The following ZP2 variants were observed in gnomAD, a reference collection of about 807,000 sequenced individuals.
ZP2 encodes zona pellucida glycoprotein 2, also known as zona pellucida sperm-binding protein 2.
ZP2 carries 51 observed loss-of-function variants against 84.0 expected under a neutral mutation model. The observed-to-expected ratio is 0.61, with a 90% CI of 0.49 to 0.77. The LOEUF (loss-of-function observed/expected upper bound fraction) is 0.77. Ranked by LOEUF, ZP2 falls within the 30% of genes least tolerant of loss-of-function variation. The pLI is 0.00. For synonymous variants in ZP2, 375 were observed against 330.9 expected (o/e 1.13, Z -1.45); for missense variants, 909 against 911.9 (o/e 1.00, Z 0.04).
Position 21,210,151 on chromosome 16 carries a change from G to A in ZP2, c.193C>T (p.Pro65Ser). The A allele has an allele frequency of 6.2e-7, 1 of 1,614,008 alleles. No individual in the cohort carries two copies. Among genetic ancestry groups the A allele is most frequent in the East Asian group, 2.2e-5 (1 of 44,860 alleles). ...CATTTCTTGGTGCCAGGACTGCTTG[G>A]GAACTCCACTGTTATTTCCCTTTCA... ...CDEREITVEF[P>S]SSPGTKKWHA... The change falls in exon 3 of 19, where the codon CCA (proline) becomes TCA (serine). Residue 65 changes from proline (P) to serine (S), a missense_variant. Physicochemically the swap from Pro to Ser is moderately conservative, Grantham distance 74 (BLOSUM62 -1). Transcript: ENST00000574091.
intron 12 of ZP2, 34 bp downstream of exon 12, chr16:21,201,898 A>G (rs369093249): frequency 3.3e-5 from 54 of 1,612,554 alleles, no homozygotes; most frequent in Non-Finnish European, 4.2e-5. Context: ...AGTTTAAACT[A>G]GAGCTTAAGA....
intron 4 of ZP2, among the ~76,000 whole-genome samples, chr16:21,209,250 C>G (rs1268914701): frequency 6.6e-6 from 1 of 152,200 alleles, no homozygotes; most frequent in Non-Finnish European, 1.5e-5. Context: ...CACTGCAAAC[C>G]TCTGTCCCCT....
In ZP2 at chr16:21,205,543, A is replaced by T. The variant is rs775442047; in HGVS notation, c.570T>A (p.Asp190Glu). Residue 190 changes from aspartate (D) to glutamate (E), a missense_variant, in exon 7 of 19, where the codon GAT becomes GAA. Coordinates refer to ENST00000574091, the MANE Select transcript of ZP2 (RefSeq NM_001376232.1). Reference sequence around the variant, plus strand: ...GGGTCAGAGTTTTGGCTCTTGCACCATCACCAACCTCAATGCTCCATCCCA... The same window carrying T: ...GGGTCAGAGTTTTGGCTCTTGCACCTTCACCAACCTCAATGCTCCATCCCA... Reference protein sequence around the residue: ...VQMGWSIEVGDGARAKTLTLP... With the variant: ...VQMGWSIEVGEGARAKTLTLP... The T allele has an allele frequency of 1.2e-6, 2 of 1,614,120 alleles. No homozygotes were observed. The highest frequency in any genetic ancestry group is 2.2e-5 in the South Asian group (2 of 91,078).
chr16:21,210,281 A>G, intron 2 of ZP2, 89 bp from the exon 3 acceptor site: 1 of 1,031,670 alleles, frequency 9.7e-7, no homozygotes, highest in Non-Finnish European at 1.5e-6. Flanking sequence ...GATGGGAGGG[A>G]TTCCAGATGA....
At position 21,198,870 on chromosome 16, in the gene ZP2, C is replaced by T. The variant is rs183121705; in HGVS notation, c.1928-8G>A. 1.7e-5 allele frequency: 27 copies of T among 1,613,244 alleles called. No individual in the cohort carries two copies. In the East Asian group the frequency reaches 3.3e-4, roughly 20 times the overall value. On this transcript the variant is annotated splice_polypyrimidine_tract_variant and splice_region_variant and intron_variant, in intron 16 of 18. Transcript: ENST00000574091. ...CTTCAGTGGCCCCTGTGGCTGGAGA[C>T]AGATGATCAAGTTTGTGTTTGGCCT...
intron 3 of ZP2, 22 bp from the exon 4 acceptor site, chr16:21,209,747 A>G (rs1209851345): frequency 4.3e-6 from 7 of 1,609,858 alleles, no homozygotes; most frequent in Non-Finnish European, 5.1e-6. Context: ...AGAGCAGGTT[A>G]GACAGGATGG....
At chr16:21,203,981 A>C in intron 9 of ZP2, 49 bp downstream of exon 9, 1 of 1,599,794 alleles carries the variant, frequency 6.3e-7, no homozygotes, top group Non-Finnish European at 8.5e-7. Flanking sequence ...ACAAGAGTAT[A>C]CTTCAAGTCA....
intron 2 of ZP2, 85 bp downstream of exon 2, chr16:21,211,222 A>C: frequency 8.4e-7 from 1 of 1,193,818 alleles, no homozygotes; most frequent in Non-Finnish European, 1.2e-6. Context: ...TGTCTGAGCC[A>C]GGCCTGTGTT....
rs1194033185 is a variant in ZP2 at position 21,205,419 on chromosome 16, C to A, written c.693+1G>T. The A allele has an allele frequency of 6.2e-7, 1 of 1,613,766 alleles. No homozygotes were observed. Among genetic ancestry groups the A allele is most frequent in the Admixed American group, 1.7e-5 (1 of 60,016 alleles). On this transcript the variant is annotated splice_donor_variant, in intron 7 of 18. Transcript: ENST00000574091. LOFTEE classifies it high-confidence loss of function. ...GTACAAAGCCAGACTTCCACACCTA[C>A]CACATAGTGAGTCACTCCAGTGGCA...
At chr16:21,212,559 C>T (rs2093279318), upstream of ZP2, among the ~76,000 whole-genome samples, 1 of 152,118 alleles carries the variant, frequency 6.6e-6, no homozygotes, top group East Asian at 1.9e-4. Context: ...CTCTCTGTTA[C>T]CATTTTAGGG....
At chr16:21,202,314 A>G in intron 10 of ZP2, 23 bp from the exon 11 acceptor site, 1 of 1,487,360 alleles carries the variant, frequency 6.7e-7, no homozygotes, top group Non-Finnish European at 8.9e-7. Flanking sequence ...GAAAGTTTAG[A>G]GAAAATAAGT....
Position 21,197,539 on chromosome 16 carries a change from C to G in ZP2, c.2179G>C (p.Val727Leu). The change falls in exon 19 of 19, where the codon GTG becomes CTG. Residue 727 changes from valine (V) to leucine (L), a missense_variant. Transcript: ENST00000574091. ...VAAVAAFAGV[V>L]ATLGFIYYLY... ...TAGTAGATGAAGCCTAGAGTTGCCACCACACCTGCAAAGGCAGCCACAGCA... is the reference window on the plus strand; with the variant it reads ...TAGTAGATGAAGCCTAGAGTTGCCAGCACACCTGCAAAGGCAGCCACAGCA... 6.2e-7 allele frequency: 1 copy of G among 1,614,170 alleles called. No individual in the cohort carries two copies. The highest frequency in any genetic ancestry group is 8.5e-7 in the Non-Finnish European group (1 of 1,180,030).
chr16:21,213,169 C>T (rs545084229), upstream of ZP2, among the ~76,000 whole-genome samples: 333 of 152,200 alleles, frequency 2.2e-3, 2 homozygotes, highest in African/African-American at 7.8e-3. Context: ...CTCAGCCTCC[C>T]GGGTAGCTGG....
At chr16:21,209,942 G>A in intron 3 of ZP2, 167 bp downstream of exon 3, 1 of 706,166 alleles carries the variant, frequency 1.4e-6, no homozygotes, top group African/African-American at 1.8e-5. Flanking sequence ...AGACAGACAG[G>A]TCTTCCATGC....
At chr16:21,203,052 T>TA (rs2093233245) in intron 10 of ZP2, 73 bp downstream of exon 10, 5 of 1,551,222 alleles carry the variant, frequency 3.2e-6, no homozygotes, top group Non-Finnish European at 3.5e-6. Context: ...TCTGACCTTC[T>TA]ATACATTTGC....
intron 16 of ZP2, among the ~76,000 whole-genome samples, chr16:21,199,318 CAAAAA>C (rs10644558): frequency 3.0e-3 from 136 of 45,712 alleles, no homozygotes; most frequent in African/African-American, 7.6e-3. Context: ...AAAACTGTCT[CAAAAA>C]AAAAAAAAAA....
At chr16:21,212,996 A>G (rs888879122), upstream of ZP2, among the ~76,000 whole-genome samples, 1 of 152,190 alleles carries the variant, frequency 6.6e-6, no homozygotes, top group African/African-American at 2.4e-5. Context: ...GACACTTGCA[A>G]TTATTAGGCT....
At chr16:21,211,645 G>T, upstream of ZP2, 1 of 1,602,994 alleles carries the variant, frequency 6.2e-7, no homozygotes. Flanking sequence ...CCCATTGGGG[G>T]CACCTGAATC....
chr16:21,204,076 G>T lies in ZP2; in HGVS notation c.926C>A (p.Thr309Lys), dbSNP rs774204764. 5 of 1,614,066 alleles carry T rather than the reference G, an allele frequency of 3.1e-6. 1 individual carries two copies. Among genetic ancestry groups the T allele is most frequent in the Middle Eastern group, 3.3e-4 (2 of 6,060 alleles). The change falls in exon 9 of 19, where the codon ACA (threonine) becomes AAA (lysine). Residue 309 changes from threonine (T) to lysine (K), a missense_variant. Coordinates refer to ENST00000574091, the MANE Select transcript of ZP2 (RefSeq NM_001376232.1). Reference sequence around the variant, plus strand: ...GCTGAAATGCAATTTCATGCCATTTGTTGCTTCTAGATCAATTCCATTGTC... The same window carrying T: ...GCTGAAATGCAATTTCATGCCATTTTTTGCTTCTAGATCAATTCCATTGTC... The part of the protein sequence containing the change: ...LHDNGIDLEA[T>K]NGMKLHFSKT...
Sources: allele counts gnomAD v4.1 joint callset (sites outside exome capture counted in the v4.1 genomes callset), GRCh38; gene constraint gnomAD v4.1.1; transcripts MANE v1.5; gene names NCBI Gene and HGNC (gene_info 2026-07-23, HGNC 2026-07-21).